Variants in CCSER1 observed in about 807,000 individuals in gnomAD.
CCSER1 encodes coiled-coil serine rich protein 1, also known as serine-rich coiled-coil domain-containing protein 1.
In CCSER1, 41 loss-of-function variants were observed where a neutral mutation model predicts 82.0. The ratio of observed to expected loss-of-function variants is 0.50; its 90% CI spans 0.39 to 0.65. CCSER1 has a LOEUF of 0.65. Ranked by LOEUF, CCSER1 falls within the 30% of genes least tolerant of loss-of-function variation. CCSER1 has a pLI of 0.00. For missense variants in CCSER1, 1,119 were observed against 1,064.2 expected (o/e 1.05, Z -0.72); for synonymous variants, 414 against 383.9 (o/e 1.08, Z -0.92).
chr4:90,404,344 T>A (rs1336750885), intron 4 of CCSER1, among the ~76,000 whole-genome samples: 1 of 151,982 alleles, frequency 6.6e-6, no homozygotes, highest in African/African-American at 2.4e-5. Flanking sequence ...AGCTCAGAAA[T>A]GCCTATCCCT....
At chr4:91,026,416 A>G (rs1010344020) in intron 9 of CCSER1, among the ~76,000 whole-genome samples, 1 of 152,082 alleles carries the variant, frequency 6.6e-6, no homozygotes, top group Non-Finnish European at 1.5e-5. Context: ...CATGTTTTAA[A>G]TCATTCCTTG....
At position 91,187,096 on chromosome 4, in the gene CCSER1, C is replaced by A. The variant is rs1450090004; in HGVS notation, c.2217+101102C>A. On this transcript the variant is annotated intron_variant, in intron 10 of 10. Coordinates refer to ENST00000509176, the MANE Select transcript of CCSER1 (RefSeq NM_001145065.2). ...GGCTAGGAAAGGGAATTCTCTGACCCCTTGTGCTTCCCAGGTGAGGTGATG... is the reference window on the plus strand; with the variant it reads ...GGCTAGGAAAGGGAATTCTCTGACCACTTGTGCTTCCCAGGTGAGGTGATG... Among the ~76,000 whole-genome samples the A allele has an allele frequency of 2.0e-5, 3 of 152,204 alleles. No homozygotes were observed. The East Asian group carries it at 5.8e-4, about 29-fold the overall frequency.
At chr4:90,912,386 A>G (rs1364531955) in intron 8 of CCSER1, among the ~76,000 whole-genome samples, 1 of 152,198 alleles carries the variant, frequency 6.6e-6, no homozygotes, top group Non-Finnish European at 1.5e-5. Context: ...CAGGGTCTGG[A>G]GTGGACCTCC....
At chr4:90,470,358 G>A (rs1208282825) in intron 5 of CCSER1, among the ~76,000 whole-genome samples, 2 of 152,068 alleles carry the variant, frequency 1.3e-5, no homozygotes, top group Non-Finnish European at 2.9e-5. Context: ...ACCCAACACT[G>A]TTATTTTGAG....
rs397880822 is a variant in CCSER1, at chr4:90,461,053, ATTTTTTTTTTTTTT to A, written c.1604-7164_1604-7151del. ...CCTGTACTTAGGTGTTGCCCAGGCT[ATTTTTTTTTTTTTT>A]TTTTTTTTTTTTTTTTGAGACGGAG... On this transcript the variant is annotated intron_variant, in intron 4 of 10. Coordinates refer to ENST00000509176, the MANE Select transcript of CCSER1 (RefSeq NM_001145065.2). Among the ~76,000 whole-genome samples the A allele has an allele frequency of 2.0e-4, 10 of 49,746 alleles. No homozygotes were observed. In the East Asian group the frequency reaches 2.4e-3, roughly 12 times the overall value. The allele number at this position is 49,746 out of a possible 152,430, so 32.6% of individuals were successfully genotyped here.
intron 1 of CCSER1, among the ~76,000 whole-genome samples, chr4:90,175,532 T>C (rs896206357): frequency 6.6e-6 from 1 of 152,004 alleles, no homozygotes; most frequent in East Asian, 1.9e-4. Flanking sequence ...CCAAAACTTT[T>C]TGAGCGCCGA....
intron 10 of CCSER1, among the ~76,000 whole-genome samples, chr4:91,516,029 G>A (rs1279145335): frequency 6.6e-6 from 1 of 151,838 alleles, no homozygotes; most frequent in Non-Finnish European, 1.5e-5. Context: ...TGTCGTTCAA[G>A]TATTTGTCCC....
intron 10 of CCSER1, among the ~76,000 whole-genome samples, chr4:91,583,193 G>T (rs1172013541): frequency 1.3e-5 from 2 of 151,126 alleles, no homozygotes; most frequent in African/African-American, 4.8e-5. Flanking sequence ...TATATTTATT[G>T]TGTTCTTATA....
chr4:90,780,882 G>C, intron 7 of CCSER1: 1 of 740,638 alleles, frequency 1.4e-6, no homozygotes, highest in African/African-American at 1.9e-5. Context: ...GAGACTAGGT[G>C]ATTTATAAGA....
intron 10 of CCSER1, among the ~76,000 whole-genome samples, chr4:91,343,902 T>G (rs184897960): frequency 1.3e-5 from 2 of 152,312 alleles, no homozygotes; most frequent in Non-Finnish European, 2.9e-5. Context: ...CACATATATG[T>G]AAGTTAAAAT....
intron 10 of CCSER1, among the ~76,000 whole-genome samples, chr4:91,091,768 T>A (rs189095143): frequency 2.0e-5 from 3 of 152,250 alleles, no homozygotes; most frequent in African/African-American, 7.2e-5. Context: ...GTGGTCAGGA[T>A]AACGGTCTTG....
intron 10 of CCSER1, among the ~76,000 whole-genome samples, chr4:91,259,101 A>G (rs1704708704): frequency 6.6e-6 from 1 of 152,164 alleles, no homozygotes; most frequent in Admixed American, 6.5e-5. Flanking sequence ...AAATACAAAC[A>G]TAAGGATAAT....
chr4:90,941,367 T>A (rs986925117), intron 9 of CCSER1, among the ~76,000 whole-genome samples: 1 of 152,122 alleles, frequency 6.6e-6, no homozygotes, highest in African/African-American at 2.4e-5. Context: ...CCTAAAGTAA[T>A]ATGTTATTAT....
intron 10 of CCSER1, among the ~76,000 whole-genome samples, chr4:91,159,741 CAG>C (rs1731186913): frequency 6.6e-6 from 1 of 151,714 alleles, no homozygotes; most frequent in African/African-American, 2.4e-5. Flanking sequence ...TGAATATAAA[CAG>C]AATTTCAAAT....
intron 10 of CCSER1, among the ~76,000 whole-genome samples, chr4:91,590,540 G>A (rs187724068): frequency 1.8e-4 from 28 of 152,236 alleles, no homozygotes; most frequent in African/African-American, 6.3e-4. Flanking sequence ...ATTTCTCAGT[G>A]ATGACAGGAA....
chr4:90,286,955 T>A (rs1444673882), intron 1 of CCSER1, among the ~76,000 whole-genome samples: 1 of 151,954 alleles, frequency 6.6e-6, no homozygotes, highest in African/African-American at 2.4e-5. Context: ...GAGAGACATT[T>A]TGAAGAAAAA....
In CCSER1 at chr4:90,203,532, T is replaced by G. The variant is rs543276864; in HGVS notation, c.-42+75701T>G. On this transcript the variant is annotated intron_variant, in intron 1 of 10. Coordinates refer to ENST00000509176, the MANE Select transcript of CCSER1 (RefSeq NM_001145065.2). ...CCCTGCAAAGGACATGACTTCATCC[T>G]TTTTATGGCTGCATAGTATTCCATG... 1.3e-4 allele frequency among the ~76,000 whole-genome samples: 20 copies of G among 152,352 alleles called. No homozygotes were observed. The South Asian group carries it at 2.9e-3, about 22-fold the overall frequency.
chr4:91,188,967 A>C (rs377173535), intron 10 of CCSER1, among the ~76,000 whole-genome samples: 1 of 152,110 alleles, frequency 6.6e-6, no homozygotes, highest in Non-Finnish European at 1.5e-5. Flanking sequence ...GAAATAGAAA[A>C]AAAGAGTTAT....
intron 1 of CCSER1, among the ~76,000 whole-genome samples, chr4:90,277,355 A>G (rs890962854): frequency 1.3e-5 from 2 of 152,208 alleles, no homozygotes; most frequent in African/African-American, 4.8e-5. Flanking sequence ...AGGCAAAGCA[A>G]TCCTAAGCAA....
Sources: gnomAD v4.1 joint callset for allele counts (sites outside exome capture counted in the v4.1 genomes callset) on GRCh38, gnomAD v4.1.1 for gene constraint, MANE v1.5 for transcripts, NCBI Gene and HGNC (gene_info 2026-07-23, HGNC 2026-07-21) for gene names.